The following JADE1 variants were observed in gnomAD, a reference collection of about 807,000 sequenced individuals.
JADE1 encodes the protein jade family PHD finger 1, also known as protein Jade-1.
JADE1 carries 14 observed loss-of-function variants against 81.8 expected under a neutral mutation model. That is an observed-to-expected ratio of 0.17 (90% CI 0.11 to 0.27). The LOEUF (loss-of-function observed/expected upper bound fraction) is 0.27, where lower values mean the gene tolerates loss of function less well. JADE1 is among the 10% of genes least tolerant of loss of function. The pLI is 1.00. For missense variants in JADE1, 690 were observed against 1,047.9 expected, an observed-to-expected ratio of 0.66 and a Z score of 4.71; for synonymous variants, 353 against 391.9, an observed-to-expected ratio of 0.90 and a Z score of 1.17.
intron 8 of JADE1, among the ~76,000 whole-genome samples, chr4:128,860,879 A>G (rs1731264527): frequency 1.3e-5 from 2 of 152,136 alleles, no homozygotes; most frequent in Non-Finnish European, 2.9e-5. Flanking sequence ...ATCGGCGTGC[A>G]CCGATCTCAG....
intron 5 of JADE1, among the ~76,000 whole-genome samples, chr4:128,849,591 C>T (rs901624006): frequency 6.6e-6 from 1 of 152,222 alleles, no homozygotes; most frequent in African/African-American, 2.4e-5. Flanking sequence ...GCATGCTCCC[C>T]ATTTCCAAGC....
chr4:128,812,715 C>A (rs1301754449), intron 1 of JADE1, among the ~76,000 whole-genome samples: 1 of 152,248 alleles, frequency 6.6e-6, no homozygotes, highest in Non-Finnish European at 1.5e-5. Flanking sequence ...GTTAGGAATG[C>A]GTCGTCATCC....
rs1416596742 is a variant in JADE1, at chr4:128,846,553, G to A, written c.296+21G>A. On this transcript the variant is annotated intron_variant, in intron 4 of 10. Coordinates refer to ENST00000226319, the MANE Select transcript of JADE1 (RefSeq NM_199320.4). The surrounding 1 kb of genome is among the most constrained non-coding windows in gnomAD (Gnocchi z 4.0). ...GCCAGGTAGAGATGCCCTGAGGACA[G>A]AAGCCTCTCCACCCACCCTTGCTCT... 6.2e-7 allele frequency: 1 copy of A among 1,613,044 alleles called. No individual in the cohort carries two copies.
At chr4:128,834,592 T>G (rs1411534528) in intron 2 of JADE1, among the ~76,000 whole-genome samples, 1 of 144,354 alleles carries the variant, frequency 6.9e-6, no homozygotes, top group South Asian at 2.2e-4. Context: ...TGGAGTACAG[T>G]GGCATGATCT....
intron 3 of JADE1, among the ~76,000 whole-genome samples, chr4:128,844,812 C>T (rs190203586): frequency 4.0e-4 from 61 of 152,084 alleles, no homozygotes; most frequent in African/African-American, 1.4e-3. Context: ...GGGAATAGTC[C>T]GTATGGAAAA....
At chr4:128,852,318 T>C in intron 6 of JADE1, 50 bp downstream of exon 6, 1 of 1,476,612 alleles carries the variant, frequency 6.8e-7, no homozygotes, top group Non-Finnish European at 9.5e-7. Flanking sequence ...CATGAGCCTG[T>C]CTGCTGTGGG....
At chr4:128,847,646 T>C (rs1372775986) in intron 4 of JADE1, among the ~76,000 whole-genome samples, 1 of 152,240 alleles carries the variant, frequency 6.6e-6, no homozygotes, top group Non-Finnish European at 1.5e-5. Context: ...TGCTTCACTT[T>C]CAGTGGGGAG....
chr4:128,831,682 G>A, intron 1 of JADE1, 51 bp from the exon 2 acceptor site: 3 of 1,514,150 alleles, frequency 2.0e-6, no homozygotes, highest in Non-Finnish European at 2.7e-6. Context: ...AGCACAACTT[G>A]ATGATTGTGT....
intron 2 of JADE1, among the ~76,000 whole-genome samples, chr4:128,834,984 TTA>T (rs199838352): frequency 0.023 from 3,515 of 150,714 alleles, 125 homozygotes; most frequent in African/African-American, 0.077. Flanking sequence ...CATCTCTATT[TTA>T]AAAAAAAAAA....
rs1726181992 is a variant in JADE1 at position 128,809,906 on chromosome 4, G to T, written c.-27+29G>T. Reference sequence around the variant, plus strand: ...CGCGCGCGGGCCGCGGGGGGCGCGCGGGGTGGGCGCGCCGCGCGTGTGTCC... The same window carrying T: ...CGCGCGCGGGCCGCGGGGGGCGCGCTGGGTGGGCGCGCCGCGCGTGTGTCC... On this transcript the variant is annotated intron_variant, in intron 1 of 10. Coordinates refer to ENST00000226319, the MANE Select transcript of JADE1 (RefSeq NM_199320.4). 4 of 148,182 alleles carry T rather than the reference G, an allele frequency of 2.7e-5. No homozygotes were observed. In the South Asian group the frequency reaches 7.1e-4, roughly 26 times the overall value. 9.2% of individuals were successfully genotyped at this position (148,182 alleles called of 1,614,324 possible). A position where few individuals can be genotyped will look rare whatever the true frequency, so the allele number is the denominator to read the frequency against.
At position 128,871,460 on chromosome 4, in the gene JADE1, C is replaced by T. The variant is rs1363345001; in HGVS notation, c.1727C>T (p.Ser576Phe). Residue 576 changes from serine to phenylalanine, a missense_variant, in exon 11 of 11, where the codon TCT (serine) becomes TTT (phenylalanine). Ser to Phe is a radical substitution (Grantham distance 155). Coordinates refer to ENST00000226319, the MANE Select transcript of JADE1 (RefSeq NM_199320.4). The surrounding 1 kb of genome is among the most constrained non-coding windows in gnomAD (Gnocchi z 4.1). Reference sequence around the variant, plus strand: ...AAGATAGAGGACTTGAAGTGGCATTCTGCATTCTTCAGAAAACAAATGGGT... The same window carrying T: ...AAGATAGAGGACTTGAAGTGGCATTTTGCATTCTTCAGAAAACAAATGGGT... ...APKIEDLKWH[S>F]AFFRKQMGTS... The T allele has an allele frequency of 6.2e-7, 1 of 1,614,076 alleles. No individual in the cohort carries two copies. The highest frequency in any genetic ancestry group is 1.3e-5 in the African/African-American group (1 of 74,932).
chr4:128,872,002 G>A lies in JADE1; in HGVS notation c.2269G>A (p.Gly757Arg). The A allele has an allele frequency of 6.2e-7, 1 of 1,613,946 alleles. No individual in the cohort carries two copies. Among genetic ancestry groups the A allele is most frequent in the South Asian group, 1.1e-5 (1 of 91,060 alleles). Residue 757 changes from glycine to arginine, a missense_variant, in exon 11 of 11, where the codon GGG becomes AGG. Gly to Arg is a moderately radical substitution (Grantham distance 125). Coordinates refer to ENST00000226319, the MANE Select transcript of JADE1 (RefSeq NM_199320.4). Reference sequence around the variant, plus strand: ...GGGAGGATTCCGGATTCCAAAGAAGGGGGAACGGCAGCAGCAGGGAGAGGC... The same window carrying A: ...GGGAGGATTCCGGATTCCAAAGAAGAGGGAACGGCAGCAGCAGGGAGAGGC... ...NWGGFRIPKKGERQQQGEAHD... is the reference protein window; with the variant it reads ...NWGGFRIPKKRERQQQGEAHD...
rs1553953485 is a variant in JADE1 at position 128,873,273 on chromosome 4, G to GAAAAAAAAAAAAA, written c.*1018_*1019insAAAAAAAAAAAAA. The GAAAAAAAAAAAAA allele has an allele frequency of 1.3e-5, 1 of 78,660 alleles. No individual in the cohort carries two copies. Among genetic ancestry groups the GAAAAAAAAAAAAA allele is most frequent in the African/African-American group, 4.7e-5 (1 of 21,246 alleles). 4.9% of individuals were successfully genotyped at this position (78,660 alleles called of 1,614,324 possible). On this transcript the variant is annotated 3_prime_UTR_variant, in exon 11 of 11. Coordinates refer to ENST00000226319, the MANE Select transcript of JADE1 (RefSeq NM_199320.4). ...AGAAAAAGGAAAAAAAAAAAAAAAA[G>GAAAAAAAAAAAAA]AAAAAAAGAAAAAAAAAAGAAAAAA... is the stretch of plus-strand genomic sequence containing the variant.
intron 1 of JADE1, among the ~76,000 whole-genome samples, chr4:128,814,408 G>A (rs1019040961): frequency 6.6e-6 from 1 of 152,096 alleles, no homozygotes; most frequent in Non-Finnish European, 1.5e-5. Flanking sequence ...TTACATGTAC[G>A]TTTTTGAAAA....
intron 1 of JADE1, chr4:128,816,233 T>C (rs903300546): frequency 6.6e-6 from 1 of 152,270 alleles, no homozygotes. Context: ...TTGTGGAATG[T>C]AATATCTCAG....
intron 9 of JADE1, among the ~76,000 whole-genome samples, chr4:128,865,614 G>A (rs17013857): frequency 0.022 from 3,334 of 152,210 alleles, 103 homozygotes; most frequent in African/African-American, 0.072. Flanking sequence ...CATAAGGGAA[G>A]TCAGGTTTAG....
intron 1 of JADE1, chr4:128,811,808 C>G (rs948182022): frequency 6.6e-6 from 1 of 151,878 alleles, no homozygotes; most frequent in Non-Finnish European, 1.5e-5. Context: ...GGTTCCGCGC[C>G]GCCTTCCTCG....
At chr4:128,864,297 G>A (rs553850469) in intron 9 of JADE1, 13 of 476,024 alleles carry the variant, frequency 2.7e-5, no homozygotes, top group African/African-American at 2.3e-4. Flanking sequence ...ACAGGCGTGC[G>A]CCACCATGCC....
rs1320287803 is a variant in JADE1 at position 128,809,779 on chromosome 4, G to GCCCGCCCGGCTC, written c.-116_-105dup. ...TGTGTGCGCGCCGGCGAGAGCAGGG[G>GCCCGCCCGGCTC]CCCGCCCGGCTCCCCGCCCGCCGCG... On this transcript the variant is annotated 5_prime_UTR_variant, in exon 1 of 11. Transcript: ENST00000226319. The GCCCGCCCGGCTC allele has an allele frequency of 2.7e-4, 41 of 152,252 alleles. No individual in the cohort carries two copies. The highest frequency in any genetic ancestry group is 8.9e-4 in the African/African-American group (37 of 41,536). 9.4% of individuals were successfully genotyped at this position (152,252 alleles called of 1,614,324 possible). A position where few individuals can be genotyped will look rare whatever the true frequency, so the allele number is the denominator to read the frequency against.
Sources: allele counts gnomAD v4.1 joint callset (sites outside exome capture counted in the v4.1 genomes callset), GRCh38; gene constraint gnomAD v4.1.1; non-coding constraint Gnocchi (gnomAD v3.1); transcripts MANE v1.5; gene names NCBI Gene and HGNC (gene_info 2026-07-23, HGNC 2026-07-21).